Variants in COL5A2 observed in about 807,000 individuals in gnomAD.
The protein encoded by COL5A2 is collagen type V alpha 2 chain, also known as collagen alpha-2(V) chain.
A neutral mutation model predicts 208.2 loss-of-function variants in COL5A2; 23 were observed. The ratio of observed to expected loss-of-function variants is 0.11; its 90% confidence interval spans 0.08 to 0.16. The LOEUF (loss-of-function observed/expected upper bound fraction) is 0.16. Among genes scored for constraint, COL5A2 ranks in the 10% least tolerant of loss-of-function variants. The pLI is 1.00. For synonymous variants in COL5A2, 625 were observed against 628.5 expected (o/e 0.99, Z 0.08); for missense variants, 1,590 against 1,956.4 (o/e 0.81, Z 3.53).
the COL5A2 span, among the ~76,000 whole-genome samples, chr2:189,251,079 A>T: frequency 2.6e-5 from 4 of 152,192 alleles, no homozygotes; most frequent in Admixed American, 6.5e-5. Flanking sequence ...TCTTGTGAGG[A>T]TTACATGTGA....
chr2:189,322,227 A>G, the COL5A2 span, among the ~76,000 whole-genome samples: 1 of 152,238 alleles, frequency 6.6e-6, no homozygotes, highest in Non-Finnish European at 1.5e-5. Flanking sequence ...AGAAAGCAGG[A>G]AAGATCTAAA....
At chr2:189,353,710 A>G in the COL5A2 span, among the ~76,000 whole-genome samples, 1 of 152,098 alleles carries the variant, frequency 6.6e-6, no homozygotes, top group Non-Finnish European at 1.5e-5. Flanking sequence ...GGGTTTTCTA[A>G]ATATACAATC....
At position 189,048,211 on chromosome 2, in the gene COL5A2, G is replaced by A. The variant is rs539362640; in HGVS notation, c.3199C>T (p.Arg1067Cys). 27 of 1,613,484 alleles carry A rather than the reference G, an allele frequency of 1.7e-5. No homozygotes were observed. The East Asian group carries it at 2.5e-4, about 15-fold the overall frequency. The change falls in exon 45 of 54, where the codon CGT (arginine) becomes TGT (cysteine). Residue 1067 changes from arginine to cysteine, a missense_variant and splice_region_variant. Arg to Cys is a radical substitution (Grantham distance 180). Transcript: ENST00000374866. The part of the protein sequence containing the change: ...TPGRDGAVGE[R>C]GDRGDPGPAG... ...ATAATAAGTGAAATGGCTCTTACAC[G>A]TTCTCCAACAGCACCATCCCGTCCT... is the stretch of plus-strand genomic sequence containing the variant.
chr2:189,391,822 A>AT, the COL5A2 span, among the ~76,000 whole-genome samples: 2 of 152,116 alleles, frequency 1.3e-5, no homozygotes, highest in African/African-American at 4.8e-5. Context: ...AAATTATTTG[A>AT]TTTTTTGTGG....
intron 47 of COL5A2, among the ~76,000 whole-genome samples, chr2:189,044,078 TG>T (rs1206855301): frequency 6.6e-6 from 1 of 152,156 alleles, no homozygotes; most frequent in Non-Finnish European, 1.5e-5. Flanking sequence ...CACAGTAAAC[TG>T]ACAAGTGGCA....
chr2:189,142,021 G>A (rs1687943859), intron 1 of COL5A2, among the ~76,000 whole-genome samples: 1 of 151,992 alleles, frequency 6.6e-6, no homozygotes, highest in Non-Finnish European at 1.5e-5. Context: ...ATATAAATCT[G>A]ATATAATCAA....
intron 3 of COL5A2, 124 bp from the exon 4 acceptor site, chr2:189,100,263 A>G (rs548260908): frequency 1.4e-6 from 1 of 737,610 alleles, no homozygotes; most frequent in Admixed American, 2.4e-5. Flanking sequence ...AATGCAAAAA[A>G]CTACAAAAAG....
At chr2:189,345,622 A>G in the COL5A2 span, among the ~76,000 whole-genome samples, 1 of 152,210 alleles carries the variant, frequency 6.6e-6, no homozygotes, top group Non-Finnish European at 1.5e-5. Flanking sequence ...AGGACTGATC[A>G]AACAGTATTA....
At chr2:189,076,743 A>C (rs550965589) in intron 16 of COL5A2, among the ~76,000 whole-genome samples, 9 of 152,192 alleles carry the variant, frequency 5.9e-5, no homozygotes, top group Non-Finnish European at 1.2e-4. Flanking sequence ...GATTGGGAGG[A>C]GTCGGATTCT....
chr2:189,183,400 G>A (rs148520047), upstream of COL5A2, among the ~76,000 whole-genome samples: 3 of 152,006 alleles, frequency 2.0e-5, no homozygotes, highest in Admixed American at 6.6e-5. Flanking sequence ...CCATTGACTT[G>A]GGGTATATTA....
At chr2:189,338,468 TTAG>T in the COL5A2 span, among the ~76,000 whole-genome samples, 1 of 151,932 alleles carries the variant, frequency 6.6e-6, no homozygotes, top group Non-Finnish European at 1.5e-5. Context: ...CACCTACAGG[TTAG>T]TAGTCTTCAT....
upstream of COL5A2, among the ~76,000 whole-genome samples, chr2:189,229,931 G>T (rs2105886856): frequency 6.6e-6 from 1 of 151,794 alleles, no homozygotes; most frequent in East Asian, 1.9e-4. Context: ...AAACAAATCG[G>T]CTGTATTACA....
At position 189,188,666 on chromosome 2, in the gene COL5A2, G is replaced by C. The variant is rs78835009; in HGVS notation, c.-42+36482C>G. Among the ~76,000 whole-genome samples, 574 of 152,278 alleles carry C rather than the reference G, an allele frequency of 3.8e-3. 17 individuals are homozygous for C. The highest frequency in any genetic ancestry group is 0.036 in the East Asian group (188 of 5,170). On this transcript the variant is annotated intron_variant, in intron 1 of 10. Coordinates refer to the COL5A2 transcript ENST00000649966. Reference sequence around the variant, plus strand: ...TGTCCAGAAACGCAATGGCACCAAAGACCTCCTATAAGAAATGAGTGTGCT... The same window carrying C: ...TGTCCAGAAACGCAATGGCACCAAACACCTCCTATAAGAAATGAGTGTGCT...
chr2:189,412,259 T>C, the COL5A2 span, among the ~76,000 whole-genome samples: 2 of 152,076 alleles, frequency 1.3e-5, no homozygotes, highest in South Asian at 2.1e-4. Context: ...GAAATGTTTA[T>C]AGTAGAGAGG....
the COL5A2 span, among the ~76,000 whole-genome samples, chr2:189,263,382 A>G: frequency 6.6e-6 from 1 of 152,162 alleles, no homozygotes; most frequent in Admixed American, 6.6e-5. Flanking sequence ...CATGTACTGC[A>G]TAATACTTTA....
intron 1 of COL5A2, among the ~76,000 whole-genome samples, chr2:189,159,234 A>G (rs10191420): frequency 0.1 from 15,527 of 152,220 alleles, 1,405 homozygotes; most frequent in African/African-American, 0.24. Context: ...TCTCTGCTTA[A>G]GCTGGTCTAC....
intron 1 of COL5A2, among the ~76,000 whole-genome samples, chr2:189,198,810 C>G (rs1689037860): frequency 3.3e-5 from 5 of 152,024 alleles, no homozygotes; most frequent in Admixed American, 3.3e-4. Context: ...ATCAAGCCAC[C>G]ATTTCTCAAC....
At position 189,068,284 on chromosome 2, in the gene COL5A2, TA is replaced by T. The variant is rs1296204620; in HGVS notation, c.1258-15del. 1 of 1,602,594 alleles carries T rather than the reference TA, an allele frequency of 6.2e-7. No homozygotes were observed. Among genetic ancestry groups the T allele is most frequent in the African/African-American group, 1.3e-5 (1 of 74,654 alleles). ...TCCTATTGCACCCTAAAAGGTACATTAAAAGTATGTAATGAAATATTAAGCA... is the reference window on the plus strand; with the variant it reads ...TCCTATTGCACCCTAAAAGGTACATTAAAGTATGTAATGAAATATTAAGCA... On this transcript the variant is annotated splice_polypyrimidine_tract_variant and intron_variant, in intron 19 of 53. Transcript: ENST00000374866.
At chr2:189,429,145 G>A in the COL5A2 span, among the ~76,000 whole-genome samples, 2 of 152,140 alleles carry the variant, frequency 1.3e-5, no homozygotes, top group Non-Finnish European at 2.9e-5. Context: ...CATGTGAGTT[G>A]ATACATATAT....
Sources: gnomAD v4.1 joint callset for allele counts (sites outside exome capture counted in the v4.1 genomes callset) on GRCh38, gnomAD v4.1.1 for gene constraint, MANE v1.5 for transcripts, NCBI Gene and HGNC (gene_info 2026-07-23, HGNC 2026-07-21) for gene names.